The following ATRN variants were observed in gnomAD, a reference collection of about 807,000 sequenced individuals.
ATRN encodes attractin.
Under a neutral mutation model 178.7 loss-of-function variants are expected in ATRN, and 54 were observed. That is an observed-to-expected ratio of 0.30 (90% CI 0.24 to 0.38). The LOEUF (loss-of-function observed/expected upper bound fraction) is 0.38. Ranked by LOEUF, ATRN falls within the 10% of genes least tolerant of loss-of-function variation. The probability of loss-of-function intolerance (pLI) is 1.00; values close to 1 mark genes in which losing one functional copy is unlikely to be tolerated. For missense variants in ATRN, 1,443 were observed against 1,815.1 expected, an observed-to-expected ratio of 0.79 and a Z score of 3.73; for synonymous variants, 636 against 663.0, an observed-to-expected ratio of 0.96 and a Z score of 0.63.
At chr20:3,622,219 C>T (rs1356721387) in intron 24 of ATRN, among the ~76,000 whole-genome samples, 1 of 152,206 alleles carries the variant, frequency 6.6e-6, no homozygotes, top group African/African-American at 2.4e-5. Context: ...CAGGAAACTC[C>T]TTAGTTTTCC....
intron 16 of ATRN, 106 bp from the exon 17 acceptor site, chr20:3,583,792 G>A: frequency 8.4e-7 from 1 of 1,188,712 alleles, no homozygotes; most frequent in East Asian, 2.4e-5. Context: ...TGGAGACAGA[G>A]TGAGACTCCG....
At chr20:3,486,500 C>T (rs181766786) in intron 1 of ATRN, among the ~76,000 whole-genome samples, 11 of 152,092 alleles carry the variant, frequency 7.2e-5, no homozygotes, top group East Asian at 1.9e-4. Context: ...CTCTGTTTCC[C>T]GAGTTCAAGC....
At chr20:3,575,118 T>C (rs2086188185) in intron 12 of ATRN, among the ~76,000 whole-genome samples, 1 of 152,152 alleles carries the variant, frequency 6.6e-6, no homozygotes, top group Non-Finnish European at 1.5e-5. Flanking sequence ...AACGCGCCAC[T>C]ATGCCCAGCT....
At chr20:3,591,701 A>G (rs900560803) in intron 19 of ATRN, among the ~76,000 whole-genome samples, 2 of 152,238 alleles carry the variant, frequency 1.3e-5, no homozygotes, top group Non-Finnish European at 1.5e-5. Context: ...CCAGCAGTAT[A>G]TGGACACTAA....
At chr20:3,472,278 C>G (rs2084441238) in intron 1 of ATRN, among the ~76,000 whole-genome samples, 1 of 152,156 alleles carries the variant, frequency 6.6e-6, no homozygotes, top group African/African-American at 2.4e-5. Flanking sequence ...AATGATTTTC[C>G]AGATAATACA....
chr20:3,474,588 TC>T (rs374449099), intron 1 of ATRN, among the ~76,000 whole-genome samples: 5 of 151,748 alleles, frequency 3.3e-5, no homozygotes, highest in African/African-American at 7.3e-5. Context: ...GCACCTGTAG[TC>T]CCAGCTACTC....
intron 11 of ATRN, among the ~76,000 whole-genome samples, chr20:3,568,310 G>T (rs963382126): frequency 2.7e-5 from 4 of 149,580 alleles, no homozygotes; most frequent in African/African-American, 7.4e-5. Flanking sequence ...AAAAGAGAAA[G>T]AAACCTTATA....
At chr20:3,527,734 T>C (rs149688367) in intron 1 of ATRN, among the ~76,000 whole-genome samples, 5,972 of 152,230 alleles carry the variant, frequency 0.039, 159 homozygotes, top group Non-Finnish European at 0.058. Context: ...TGGAATACTG[T>C]GCAGCCATAG....
chr20:3,507,191 G>A (rs2085057250), intron 1 of ATRN, among the ~76,000 whole-genome samples: 2 of 151,800 alleles, frequency 1.3e-5, no homozygotes, highest in African/African-American at 4.8e-5. Flanking sequence ...TGGATCATGA[G>A]GTCAGGAGTT....
intron 24 of ATRN, among the ~76,000 whole-genome samples, chr20:3,617,509 A>G (rs1369875761): frequency 6.6e-6 from 1 of 152,118 alleles, no homozygotes; most frequent in Non-Finnish European, 1.5e-5. Context: ...CTTTTTAAAA[A>G]GCTTAAGATT....
rs535584606 is a variant in ATRN at position 3,583,922 on chromosome 20, G to A, written c.2789G>A (p.Arg930Gln). Residue 930 changes from arginine (R) to glutamine (Q), a missense_variant, in exon 17 of 29, where the codon CGG becomes CAG. By Grantham distance (43) the Arg-to-Gln change is conservative (BLOSUM62 1). Around this residue, in one of 4 missense-constraint regions of ATRN, gnomAD observed 212 missense variants for 330.7 expected, o/e 0.64. Transcript: ENST00000262919. ...RPANHSAKQC[R>Q]TPCALRTACG... ...GCAAACCACAGTGCTAAGCAGTGCC[G>A]GACACCATGTGCCTTGAGGACAGCA... The A allele has an allele frequency of 6.2e-6, 10 of 1,614,140 alleles. No individual in the cohort carries two copies. The highest frequency in any genetic ancestry group is 1.1e-5 in the South Asian group (1 of 91,074).
intron 1 of ATRN, among the ~76,000 whole-genome samples, chr20:3,527,101 G>A (rs891525845): frequency 5.3e-5 from 8 of 152,128 alleles, no homozygotes; most frequent in African/African-American, 1.4e-4. Context: ...AAACTAAAGA[G>A]CTTCTGCACA....
intron 7 of ATRN, among the ~76,000 whole-genome samples, chr20:3,559,878 A>G (rs567043250): frequency 3.3e-5 from 5 of 152,148 alleles, no homozygotes; most frequent in Non-Finnish European, 5.9e-5. Context: ...AAGTCCTTTT[A>G]TACTATAAAA....
intron 24 of ATRN, among the ~76,000 whole-genome samples, chr20:3,611,172 G>A (rs1037165486): frequency 6.6e-6 from 1 of 152,130 alleles, no homozygotes; most frequent in African/African-American, 2.4e-5. Flanking sequence ...ATTCATAAAA[G>A]GAAAACTTGA....
chr20:3,502,255 T>C (rs2084974644), intron 1 of ATRN, among the ~76,000 whole-genome samples: 1 of 152,146 alleles, frequency 6.6e-6, no homozygotes, highest in African/African-American at 2.4e-5. Flanking sequence ...AACAGACTCA[T>C]AGGGAGGCTT....
intron 2 of ATRN, among the ~76,000 whole-genome samples, chr20:3,536,671 G>A (rs140386994): frequency 6.6e-6 from 1 of 151,996 alleles, no homozygotes; most frequent in Admixed American, 6.6e-5. Context: ...TGAAAAAATG[G>A]CATTGTTTTA....
chr20:3,512,267 G>A (rs1384205796), intron 1 of ATRN, among the ~76,000 whole-genome samples: 31 of 60,576 alleles, frequency 5.1e-4, no homozygotes, highest in Non-Finnish European at 9.3e-4. Flanking sequence ...CTCCCCCCAC[G>A]CCACAACAGG....
At chr20:3,472,891 T>C (rs546419534) in intron 1 of ATRN, among the ~76,000 whole-genome samples, 67 of 152,350 alleles carry the variant, frequency 4.4e-4, no homozygotes, top group Non-Finnish European at 8.1e-4. Context: ...CTGCTGCCTA[T>C]GTGGAAGAGA....
At chr20:3,602,009 T>C (rs11699379) in intron 23 of ATRN, among the ~76,000 whole-genome samples, 18,762 of 152,126 alleles carry the variant, frequency 0.12, 1,778 homozygotes, top group East Asian at 0.41. Context: ...TGAGCCAGTT[T>C]CCTCCTGTAT....
Sources: allele counts gnomAD v4.1 joint callset (sites outside exome capture counted in the v4.1 genomes callset), GRCh38; gene constraint gnomAD v4.1.1; regional missense constraint gnomAD v4.1.1; transcripts MANE v1.5; gene names NCBI Gene and HGNC (gene_info 2026-07-23, HGNC 2026-07-21).